EVI5: variants seen among roughly 807,000 people sequenced by gnomAD.
The protein encoded by EVI5 is ecotropic viral integration site 5.
EVI5 carries 73 observed loss-of-function variants against 112.0 expected under a neutral mutation model. The ratio of observed to expected loss-of-function variants is 0.65; its 90% CI spans 0.54 to 0.79. EVI5 has a LOEUF of 0.79. Ranked by LOEUF, EVI5 falls within the 30% of genes least tolerant of loss-of-function variation. EVI5 has a pLI of 0.00. For synonymous variants in EVI5, 305 were observed against 319.9 expected (o/e 0.95, Z 0.50); for missense variants, 900 against 968.8 (o/e 0.93, Z 0.94).
At position 92,665,923 on chromosome 1, in the gene EVI5, G is replaced by A. The variant is rs762508814; in HGVS notation, c.1212+16C>T. ...AGGCATTCAACAGAAGCTTGCATAA[G>A]TAGTCACTTACTTACTTTTTCTAAT... is the stretch of plus-strand genomic sequence containing the variant. On this transcript the variant is annotated intron_variant, in intron 11 of 19. Transcript: ENST00000684568. The A allele has an allele frequency of 1.3e-6, 2 of 1,562,112 alleles. No homozygotes were observed. Among genetic ancestry groups the A allele is most frequent in the South Asian group, 2.3e-5 (2 of 85,602 alleles).
At chr1:92,679,663 A>G (rs1457528767) in intron 9 of EVI5, among the ~76,000 whole-genome samples, 16 of 152,202 alleles carry the variant, frequency 1.1e-4, no homozygotes, top group Non-Finnish European at 2.1e-4. Context: ...TAATGAACCA[A>G]TATTAACACA....
chr1:92,633,897 A>C (rs917148658), intron 14 of EVI5, among the ~76,000 whole-genome samples: 4 of 152,114 alleles, frequency 2.6e-5, no homozygotes, highest in African/African-American at 7.2e-5. Flanking sequence ...ATCTCTCACC[A>C]TTTGCTTGAC....
Position 92,697,978 on chromosome 1 carries a change from T to C in EVI5, c.647A>G (p.Glu216Gly). Residue 216 changes from glutamate (E) to glycine (G), a missense_variant, in exon 6 of 20, where the codon GAA (glutamate) becomes GGA (glycine). Glu to Gly is a moderately conservative substitution (Grantham distance 98). Coordinates refer to ENST00000684568, the MANE Select transcript of EVI5 (RefSeq NM_001350197.2). ...IVGLLLMQMP[E>G]EEAFCVFVKL... ...AACAAATACACAGAAAGCTTCTTCT[T>C]CTGGCATCTACATTGGAAGAAAAAA... The C allele has an allele frequency of 6.2e-7, 1 of 1,610,796 alleles. No homozygotes were observed. The highest frequency in any genetic ancestry group is 1.1e-5 in the South Asian group (1 of 90,242).
At chr1:92,721,436 C>T (rs114848878) in intron 2 of EVI5, among the ~76,000 whole-genome samples, 1,528 of 152,174 alleles carry the variant, frequency 0.01, 24 homozygotes, top group African/African-American at 0.034. Context: ...GACTGAAAAC[C>T]AAACACTGTA....
intron 1 of EVI5, among the ~76,000 whole-genome samples, chr1:92,768,147 GAA>G (rs11352389): frequency 2.1e-4 from 32 of 149,530 alleles, no homozygotes; most frequent in African/African-American, 3.2e-4. Flanking sequence ...AATATAACAG[GAA>G]AAAAAAAATC....
chr1:92,662,920 C>A, intron 12 of EVI5, 55 bp from the exon 13 acceptor site: 2 of 1,007,894 alleles, frequency 2.0e-6, no homozygotes, highest in South Asian at 2.0e-5. Context: ...TCAAGAAAGA[C>A]TGCCTTTGTG....
At chr1:92,602,822 AAAAAC>A (rs1172709019) in intron 18 of EVI5, among the ~76,000 whole-genome samples, 1 of 152,218 alleles carries the variant, frequency 6.6e-6, no homozygotes, top group Non-Finnish European at 1.5e-5. Flanking sequence ...CACCACCAAA[AAAAAC>A]AAAACAAAAC....
rs3042578 is a variant in EVI5 at position 92,747,716 on chromosome 1, C to CAAAAAAAAAAAAAAAAAA, written c.-81-11090_-81-11089insTTTTTTTTTTTTTTTTTT. Among the ~76,000 whole-genome samples the CAAAAAAAAAAAAAAAAAA allele has an allele frequency of 6.0e-5, 5 of 83,546 alleles. 2 individuals are homozygous for CAAAAAAAAAAAAAAAAAA. Among genetic ancestry groups the CAAAAAAAAAAAAAAAAAA allele is most frequent in the African/African-American group, 9.5e-5 (2 of 21,020 alleles). The allele number at this position is 83,546 out of a possible 152,430, so 54.8% of individuals were successfully genotyped here. A position where few individuals can be genotyped will look rare whatever the true frequency, so the allele number is the denominator to read the frequency against. ...GTGACAGAGCCAGACTCCATCTCAC[C>CAAAAAAAAAAAAAAAAAA]AAAAAAAAAAACAAAAAAAAAAACC... is the stretch of plus-strand genomic sequence containing the variant. On this transcript the variant is annotated intron_variant, in intron 1 of 19. Coordinates refer to ENST00000684568, the MANE Select transcript of EVI5 (RefSeq NM_001350197.2).
chr1:92,769,869 AGAGT>A (rs1683136626), intron 1 of EVI5, among the ~76,000 whole-genome samples: 3 of 152,186 alleles, frequency 2.0e-5, no homozygotes, highest in Non-Finnish European at 4.4e-5. Context: ...CCTGGGTGAC[AGAGT>A]GAGACTCCCA....
chr1:92,644,221 G>GATATATATATA (rs1660520711), intron 13 of EVI5, among the ~76,000 whole-genome samples: 1 of 152,164 alleles, frequency 6.6e-6, no homozygotes, highest in Admixed American at 6.5e-5. Flanking sequence ...TTTATATCAT[G>GATATATATATA]TGCCTTCCTG....
At chr1:92,594,292 C>G (rs1647191068) in intron 18 of EVI5, among the ~76,000 whole-genome samples, 2 of 152,002 alleles carry the variant, frequency 1.3e-5, no homozygotes. Flanking sequence ...CTTTGACAAA[C>G]CTAACAAAAA....
intron 14 of EVI5, among the ~76,000 whole-genome samples, chr1:92,631,353 CAT>C (rs1657051118): frequency 1.3e-5 from 2 of 152,112 alleles, no homozygotes; most frequent in Non-Finnish European, 2.9e-5. Context: ...TCTTTTATTT[CAT>C]TGAGCAGTGG....
chr1:92,673,990 T>C (rs1666296569), intron 10 of EVI5, among the ~76,000 whole-genome samples: 1 of 152,142 alleles, frequency 6.6e-6, no homozygotes. Context: ...CATCAAACAA[T>C]TTGATGATCA....
chr1:92,660,997 C>T (rs1663902790), intron 13 of EVI5, among the ~76,000 whole-genome samples: 3 of 151,176 alleles, frequency 2.0e-5, no homozygotes, highest in Admixed American at 2.0e-4. Context: ...AGGTCTAGCC[C>T]TATTTAATCA....
rs1659188121 is a variant in EVI5, at chr1:92,511,466, A to C, written c.*2190T>G. ...TCTCAAAAAACAAAAATAAAAACAA[A>C]ACAAAACAGAGAATTGAGAAATTCT... On this transcript the variant is annotated 3_prime_UTR_variant, in exon 20 of 20. Transcript: ENST00000684568. 1.3e-5 allele frequency: 2 copies of C among 152,152 alleles called. No individual in the cohort carries two copies. 9.4% of individuals were successfully genotyped at this position (152,152 alleles called of 1,614,324 possible). A position where few individuals can be genotyped will look rare whatever the true frequency, so the allele number is the denominator to read the frequency against.
chr1:92,680,596 C>G (rs527902960), intron 9 of EVI5, among the ~76,000 whole-genome samples: 1 of 152,084 alleles, frequency 6.6e-6, no homozygotes. Flanking sequence ...AAAGAGGTTA[C>G]TACATAATCT....
At chr1:92,542,328 A>T (rs1571410185) in intron 19 of EVI5, among the ~76,000 whole-genome samples, 1 of 152,096 alleles carries the variant, frequency 6.6e-6, no homozygotes, top group East Asian at 1.9e-4. Context: ...TGATCATGAG[A>T]TTGCAGCAAT....
intron 18 of EVI5, among the ~76,000 whole-genome samples, chr1:92,585,656 T>A (rs1454430369): frequency 1.3e-5 from 2 of 151,990 alleles, no homozygotes; most frequent in Non-Finnish European, 2.9e-5. Context: ...TTAAAAAAAA[T>A]TAGATACTTT....
At chr1:92,784,018 CTG>C in intron 1 of EVI5, among the ~76,000 whole-genome samples, 1 of 152,290 alleles carries the variant, frequency 6.6e-6, no homozygotes, top group Middle Eastern at 3.4e-3. Flanking sequence ...TTATTCAACA[CTG>C]TAACCCAAAG....
Sources: gnomAD v4.1 joint callset for allele counts (sites outside exome capture counted in the v4.1 genomes callset) on GRCh38, gnomAD v4.1.1 for gene constraint, MANE v1.5 for transcripts, NCBI Gene and HGNC (gene_info 2026-07-23, HGNC 2026-07-21) for gene names.